RIMKLB: variants seen among roughly 807,000 people sequenced by gnomAD.
RIMKLB encodes beta-citrylglutamate synthase B.
In RIMKLB, 7 loss-of-function variants were observed where a neutral mutation model predicts 32.0. The observed-to-expected ratio is 0.22, with a 90% confidence interval of 0.12 to 0.41. The LOEUF is 0.41. RIMKLB is among the 10% of genes least tolerant of loss of function. The pLI is 1.00. For synonymous variants in RIMKLB, 172 were observed against 185.1 expected (o/e 0.93, Z 0.57); for missense variants, 289 against 498.7 (o/e 0.58, Z 4.00).
At chr12:8,771,193 A>G (rs1410001420) in intron 5 of RIMKLB, among the ~76,000 whole-genome samples, 1 of 152,204 alleles carries the variant, frequency 6.6e-6, no homozygotes, top group Non-Finnish European at 1.5e-5. Flanking sequence ...ATCTAACACT[A>G]GTAGACTGAG....
intron 3 of RIMKLB, 138 bp downstream of exon 3, chr12:8,750,230 T>C: frequency 1.9e-6 from 1 of 525,056 alleles, no homozygotes. Context: ...TTATAAATTA[T>C]ATCTTAAGAT....
At chr12:8,675,830 T>C in the RIMKLB span, among the ~76,000 whole-genome samples, 1 of 151,580 alleles carries the variant, frequency 6.6e-6, no homozygotes, top group African/African-American at 2.4e-5. Context: ...GTAATAGTCA[T>C]GGGTTTTCTG....
intron 1 of RIMKLB, among the ~76,000 whole-genome samples, chr12:8,711,666 C>T (rs1944391475): frequency 6.6e-6 from 1 of 151,438 alleles, no homozygotes; most frequent in Admixed American, 6.6e-5. Context: ...CTATCCCTCC[C>T]CCCTCCCCCA....
chr12:8,758,008 C>G lies in RIMKLB; in HGVS notation c.697+3915C>G, dbSNP rs529463446. Among the ~76,000 whole-genome samples the G allele has an allele frequency of 3.4e-4, 52 of 151,244 alleles. 1 individual carries two copies. Among genetic ancestry groups the G allele is most frequent in the Non-Finnish European group, 5.7e-4 (39 of 67,926 alleles). ...ATGGGGTCTCGCTATATTGCCCAGG[C>G]AGGTCTCGAACTCCTGGGCTCAAGC... is the stretch of plus-strand genomic sequence containing the variant. On this transcript the variant is annotated intron_variant, in intron 5 of 5. Transcript: ENST00000535829.
the RIMKLB span, among the ~76,000 whole-genome samples, chr12:8,673,409 A>C: frequency 1.6e-4 from 24 of 152,166 alleles, no homozygotes; most frequent in African/African-American, 5.8e-4. Context: ...AAACAACAAT[A>C]ATGATTATTT....
chr12:8,704,352 C>T (rs1175079349), intron 1 of RIMKLB, among the ~76,000 whole-genome samples: 1 of 149,746 alleles, frequency 6.7e-6, no homozygotes, highest in East Asian at 1.9e-4. Flanking sequence ...CATTGCACTC[C>T]AACCTGGGTG....
chr12:8,767,736 CAGGCAGACCAACGCTCCCAATCCAGA>C (rs1950086999), intron 5 of RIMKLB, among the ~76,000 whole-genome samples: 1 of 152,166 alleles, frequency 6.6e-6, no homozygotes, highest in Admixed American at 6.5e-5. Flanking sequence ...AAGCTGGTTC[CAGGCAGACCAACGCTCCCAATCCAGA>C]AGGTTTGGGT....
At chr12:8,680,082 T>G (rs765306121), upstream of RIMKLB, among the ~76,000 whole-genome samples, 1 of 152,122 alleles carries the variant, frequency 6.6e-6, no homozygotes, top group African/African-American at 2.4e-5. Context: ...ACCAACACCA[T>G]GACAGTTTAC....
upstream of RIMKLB, among the ~76,000 whole-genome samples, chr12:8,695,208 C>CGCCCT (rs1942851863): frequency 6.6e-6 from 1 of 150,386 alleles, no homozygotes; most frequent in African/African-American, 2.5e-5. Flanking sequence ...CGCCCCGCCC[C>CGCCCT]GCCCGGCCCC....
intron 1 of RIMKLB, among the ~76,000 whole-genome samples, chr12:8,704,106 G>T (rs1336120772): frequency 6.6e-6 from 1 of 152,090 alleles, no homozygotes; most frequent in Admixed American, 6.6e-5. Context: ...TTTATGGGTC[G>T]GACGTGGTGG....
rs769224873 is a variant in RIMKLB, at chr12:8,752,095, T to C, written c.493+52T>C. 1.3e-4 allele frequency: 144 copies of C among 1,151,046 alleles called. No individual in the cohort carries two copies. The South Asian group carries it at 1.9e-3, about 15-fold the overall frequency. The allele number at this position is 1,151,046 out of a possible 1,614,324, so 71.3% of individuals were successfully genotyped here. A position where few individuals can be genotyped will look rare whatever the true frequency, so the allele number is the denominator to read the frequency against. Reference sequence around the variant, plus strand: ...ATAGTTTTGAAACTATTCTTGCTTATTAATATGGAGTGACTTTGAAGAATA... The same window carrying C: ...ATAGTTTTGAAACTATTCTTGCTTACTAATATGGAGTGACTTTGAAGAATA... On this transcript the variant is annotated intron_variant, in intron 4 of 5. Coordinates refer to ENST00000535829, the MANE Select transcript of RIMKLB (RefSeq NM_001297776.2).
At chr12:8,731,620 T>C (rs796089416) in intron 2 of RIMKLB, among the ~76,000 whole-genome samples, 12 of 152,264 alleles carry the variant, frequency 7.9e-5, no homozygotes, top group African/African-American at 2.4e-4. Flanking sequence ...TATTCTTCAA[T>C]GATAGTTTCG....
chr12:8,748,660 C>T (rs138725147), intron 2 of RIMKLB, among the ~76,000 whole-genome samples: 1 of 150,290 alleles, frequency 6.7e-6, no homozygotes, highest in Non-Finnish European at 1.5e-5. Context: ...AGAAGAAACT[C>T]GGGGCGGCCG....
Position 8,744,174 on chromosome 12 carries a change from A to G in RIMKLB, c.176-5688A>G, listed in dbSNP as rs141520118. On this transcript the variant is annotated intron_variant, in intron 2 of 5. Transcript: ENST00000535829. ...GTGCTCAAGAGATCAGTAGCTCATAAGGCAGAGTCCTAAGAGATGCCACTT... is the reference window on the plus strand; with the variant it reads ...GTGCTCAAGAGATCAGTAGCTCATAGGGCAGAGTCCTAAGAGATGCCACTT... 4.5e-3 allele frequency among the ~76,000 whole-genome samples: 680 copies of G among 152,122 alleles called. 6 individuals are homozygous for G. The highest frequency in any genetic ancestry group is 8.7e-3 in the Non-Finnish European group (589 of 68,020).
chr12:8,710,935 C>G (rs1484861136), intron 1 of RIMKLB, among the ~76,000 whole-genome samples: 1 of 128,818 alleles, frequency 7.8e-6, no homozygotes, highest in African/African-American at 3.0e-5. Flanking sequence ...TGAGATCAGT[C>G]TGGGCAACGT....
intron 1 of RIMKLB, among the ~76,000 whole-genome samples, chr12:8,687,497 T>C (rs193099285): frequency 1.3e-5 from 2 of 152,288 alleles, no homozygotes; most frequent in East Asian, 3.9e-4. Context: ...TTTTCCTCTT[T>C]TCTTTGTTTC....
At chr12:8,780,265 T>A (rs1047994156), downstream of RIMKLB, 18 of 152,196 alleles carry the variant, frequency 1.2e-4, no homozygotes, top group African/African-American at 4.3e-4. Flanking sequence ...GTTCATAGGT[T>A]GTAGGGGTAG....
At chr12:8,772,806 C>G (rs1307773392) in intron 5 of RIMKLB, among the ~76,000 whole-genome samples, 1 of 152,202 alleles carries the variant, frequency 6.6e-6, no homozygotes, top group Non-Finnish European at 1.5e-5. Context: ...TCTCTTCCTT[C>G]CTTTTGGCAA....
intron 1 of RIMKLB, 127 bp from the exon 2 acceptor site, chr12:8,713,684 A>G (rs7488739): frequency 1.1e-5 from 7 of 609,408 alleles, no homozygotes; most frequent in African/African-American, 3.7e-5. Flanking sequence ...AAAGGAAACA[A>G]TATCTCTACA....
Sources: allele counts gnomAD v4.1 joint callset (sites outside exome capture counted in the v4.1 genomes callset), GRCh38; gene constraint gnomAD v4.1.1; transcripts MANE v1.5; gene names NCBI Gene and HGNC (gene_info 2026-07-23, HGNC 2026-07-21).